PLLP: variants seen among roughly 807,000 people sequenced by gnomAD.
The protein encoded by PLLP is plasma membrane proteolipid (plasmolipin).
A neutral mutation model predicts 19.7 loss-of-function variants in PLLP; 15 were observed. The ratio of observed to expected loss-of-function variants is 0.76; its 90% CI spans 0.51 to 1.17. The LOEUF (loss-of-function observed/expected upper bound fraction) is 1.17. PLLP is among the 50% of genes most tolerant of loss of function. PLLP has a pLI of 0.00. For missense variants in PLLP, 255 were observed against 258.3 expected (o/e 0.99, Z 0.09); for synonymous variants, 111 against 116.3 (o/e 0.95, Z 0.29).
At chr16:57,260,782 G>T (rs1157493634) in intron 2 of PLLP, among the ~76,000 whole-genome samples, 2 of 152,172 alleles carry the variant, frequency 1.3e-5, no homozygotes, top group Non-Finnish European at 2.9e-5. Flanking sequence ...CTGTCCTGGG[G>T]CAAACCTGGG....
intron 1 of PLLP, among the ~76,000 whole-genome samples, chr16:57,278,484 T>C (rs1266775767): frequency 6.6e-6 from 1 of 152,232 alleles, no homozygotes; most frequent in Non-Finnish European, 1.5e-5. Flanking sequence ...GTAATCCAAC[T>C]ACAGCTTTAG....
chr16:57,280,905 T>C (rs574019478), intron 1 of PLLP, among the ~76,000 whole-genome samples: 22 of 152,352 alleles, frequency 1.4e-4, no homozygotes, highest in Non-Finnish European at 8.8e-5. Flanking sequence ...ATGAAAAGTG[T>C]ATCTCCTTCT....
At chr16:57,279,500 C>T (rs760380031) in intron 1 of PLLP, among the ~76,000 whole-genome samples, 5 of 151,782 alleles carry the variant, frequency 3.3e-5, no homozygotes, top group Non-Finnish European at 5.9e-5. Flanking sequence ...TGATGAAATC[C>T]CATCTTTACA....
At chr16:57,265,910 G>A (rs1046163400) in intron 1 of PLLP, among the ~76,000 whole-genome samples, 7 of 152,090 alleles carry the variant, frequency 4.6e-5, no homozygotes, top group Non-Finnish European at 8.8e-5. Flanking sequence ...GCCTGTGGTC[G>A]CAGATACTTG....
At chr16:57,269,315 C>T (rs2075467180) in intron 1 of PLLP, among the ~76,000 whole-genome samples, 1 of 152,216 alleles carries the variant, frequency 6.6e-6, no homozygotes, top group African/African-American at 2.4e-5. Context: ...TCCTCACTTC[C>T]GGGGCAGCAT....
chr16:57,280,289 G>A (rs11648731), intron 1 of PLLP, among the ~76,000 whole-genome samples: 16,876 of 152,194 alleles, frequency 0.11, 1,052 homozygotes, highest in Non-Finnish European at 0.14. Flanking sequence ...CCCTCTCGGA[G>A]CCTATTTACT....
intron 1 of PLLP, among the ~76,000 whole-genome samples, chr16:57,277,460 G>A (rs1348483306): frequency 6.6e-6 from 1 of 152,130 alleles, no homozygotes; most frequent in Non-Finnish European, 1.5e-5. Context: ...CCATGGTGGT[G>A]CGTGCCTGTA....
At chr16:57,262,193 G>A in intron 1 of PLLP, 123 bp from the exon 2 acceptor site, 1 of 887,946 alleles carries the variant, frequency 1.1e-6, no homozygotes, top group Non-Finnish European at 1.7e-6. Context: ...AGCCCAAGGT[G>A]TAATAATCGC....
At chr16:57,258,030 A>C (rs1220035601) in intron 3 of PLLP, among the ~76,000 whole-genome samples, 1 of 151,958 alleles carries the variant, frequency 6.6e-6, no homozygotes, top group Non-Finnish European at 1.5e-5. Flanking sequence ...AAAATACAAA[A>C]ATTAGCCAGG....
intron 1 of PLLP, among the ~76,000 whole-genome samples, chr16:57,281,587 T>C (rs1273427366): frequency 6.9e-6 from 1 of 145,704 alleles, no homozygotes; most frequent in Non-Finnish European, 1.5e-5. Context: ...CTCGGCTCAC[T>C]GCAAGCTCCA....
intron 1 of PLLP, among the ~76,000 whole-genome samples, chr16:57,283,654 T>C (rs1030014569): frequency 3.3e-5 from 5 of 151,964 alleles, no homozygotes; most frequent in African/African-American, 1.2e-4. Context: ...TTCCCATGGG[T>C]CCGCCTCAGT....
At position 57,267,424 on chromosome 16, in the gene PLLP, G is replaced by A. The variant is rs140575137; in HGVS notation, c.136-5354C>T. 3.0e-3 allele frequency among the ~76,000 whole-genome samples: 458 copies of A among 152,014 alleles called. 5 individuals carry two copies. The highest frequency in any genetic ancestry group is 0.011 in the African/African-American group (444 of 41,440). On this transcript the variant is annotated intron_variant, in intron 1 of 3. Coordinates refer to ENST00000219207, the MANE Select transcript of PLLP (RefSeq NM_015993.3). ...TCCAGTAAAAATACAAAAATTAGCC[G>A]GGCATGGTGGTGGGTGTCTGTAGTC...
chr16:57,263,473 C>T (rs2075448028), intron 1 of PLLP: 1 of 152,278 alleles, frequency 6.6e-6, no homozygotes, highest in Non-Finnish European at 1.5e-5. Flanking sequence ...TGTGAGGACC[C>T]ACAAGTTCAT....
intron 3 of PLLP, among the ~76,000 whole-genome samples, chr16:57,257,590 G>A (rs1479550256): frequency 6.6e-6 from 1 of 152,216 alleles, no homozygotes; most frequent in Non-Finnish European, 1.5e-5. Context: ...AAAGGAACTG[G>A]TAGTCCCTTC....
At chr16:57,266,275 G>A (rs539161094) in intron 1 of PLLP, among the ~76,000 whole-genome samples, 185 of 152,140 alleles carry the variant, frequency 1.2e-3, no homozygotes, top group Non-Finnish European at 2.3e-3. Context: ...AGATGAAGCC[G>A]GTGGATAAGG....
chr16:57,280,136 C>T (rs1901201073), intron 1 of PLLP, among the ~76,000 whole-genome samples: 1 of 152,184 alleles, frequency 6.6e-6, no homozygotes, highest in Admixed American at 6.5e-5. Context: ...CCCCCTTTTC[C>T]CCCTAGAAAG....
chr16:57,260,241 G>A (rs2075438114), intron 2 of PLLP, among the ~76,000 whole-genome samples: 1 of 152,142 alleles, frequency 6.6e-6, no homozygotes, highest in South Asian at 2.1e-4. Flanking sequence ...TGCCCCATTC[G>A]TTGAGGGTCC....
At chr16:57,271,746 C>T (rs1203171393) in intron 1 of PLLP, among the ~76,000 whole-genome samples, 1 of 152,232 alleles carries the variant, frequency 6.6e-6, no homozygotes, top group East Asian at 1.9e-4. Context: ...CTGGTCAGAT[C>T]AAGCAGGTCC....
intron 2 of PLLP, 125 bp from the exon 3 acceptor site, chr16:57,258,709 C>T: frequency 4.2e-6 from 4 of 945,370 alleles, no homozygotes; most frequent in Non-Finnish European, 6.5e-6. Flanking sequence ...ATCGCTTGAG[C>T]CCAGGAGTTA....
Sources: gnomAD v4.1 joint callset for allele counts (sites outside exome capture counted in the v4.1 genomes callset) on GRCh38, gnomAD v4.1.1 for gene constraint, MANE v1.5 for transcripts, NCBI Gene and HGNC (gene_info 2026-07-23, HGNC 2026-07-21) for gene names.